The following MLLT1 variants were observed in gnomAD, a reference collection of about 807,000 sequenced individuals.
MLLT1 encodes the protein MLLT1 super elongation complex subunit.
A neutral mutation model predicts 55.1 loss-of-function variants in MLLT1; 11 were observed. The observed-to-expected ratio is 0.20, with a 90% CI of 0.13 to 0.33. The LOEUF (loss-of-function observed/expected upper bound fraction) is 0.33. Among genes scored for constraint, MLLT1 ranks in the 10% least tolerant of loss-of-function variants. The probability of loss-of-function intolerance (pLI) is 1.00; values close to 1 mark genes in which losing one functional copy is unlikely to be tolerated. For missense variants in MLLT1, 536 were observed against 760.6 expected (o/e 0.70, Z 3.47); for synonymous variants, 323 against 320.1 (o/e 1.01, Z -0.10).
intron 3 of MLLT1, among the ~76,000 whole-genome samples, chr19:6,246,078 CA>C (rs2091165200): frequency 1.4e-5 from 2 of 138,044 alleles, no homozygotes; most frequent in Non-Finnish European, 3.1e-5. Context: ...AACTCCACCT[CA>C]AAAAGAAAAT....
intron 3 of MLLT1, among the ~76,000 whole-genome samples, chr19:6,245,521 T>TCTACTA (rs2091160204): frequency 6.7e-6 from 1 of 149,474 alleles, no homozygotes; most frequent in East Asian, 2.1e-4. Flanking sequence ...CCATCCTGGC[T>TCTACTA]AACATGGTGA....
At position 6,231,959 on chromosome 19, in the gene MLLT1, G is replaced by A. The variant is rs190197756; in HGVS notation, c.277-1246C>T. Reference sequence around the variant, plus strand: ...TTCATGGAAACAACGTGCATGGGCCGGGCGCGGTGGCTCACGCCTGTAACC... The same window carrying A: ...TTCATGGAAACAACGTGCATGGGCCAGGCGCGGTGGCTCACGCCTGTAACC... On this transcript the variant is annotated intron_variant, in intron 3 of 11. Coordinates refer to ENST00000252674, the MANE Select transcript of MLLT1 (RefSeq NM_005934.4). This position sits in a 1 kb window ranked among gnomAD's most constrained non-coding sequence, Gnocchi z 5.1. Among the ~76,000 whole-genome samples, 12 of 152,270 alleles carry A rather than the reference G, an allele frequency of 7.9e-5. No homozygotes were observed. The highest frequency in any genetic ancestry group is 1.9e-4 in the East Asian group (1 of 5,154).
rs544863865 is a variant in MLLT1 at position 6,259,751 on chromosome 19, G to A, written c.276+2477C>T. 7.7e-5 allele frequency: 11 copies of A among 141,984 alleles called. No individual in the cohort carries two copies. In the East Asian group the frequency reaches 1.6e-3, roughly 21 times the overall value. The allele number at this position is 141,984 out of a possible 1,614,324, so 8.8% of individuals were successfully genotyped here. A position where few individuals can be genotyped will look rare whatever the true frequency, so the allele number is the denominator to read the frequency against. ...GGCAGAACTCCGGGCCCAGCTACGC[G>A]GCTTCTGCAGGAATTATTCAGACAA... On this transcript the variant is annotated intron_variant, in intron 3 of 11. Coordinates refer to ENST00000252674, the MANE Select transcript of MLLT1 (RefSeq NM_005934.4).
intron 3 of MLLT1, among the ~76,000 whole-genome samples, chr19:6,238,859 C>T (rs1025994901): frequency 1.3e-5 from 2 of 152,256 alleles, no homozygotes; most frequent in African/African-American, 4.8e-5. Context: ...CCTTCTCCGG[C>T]CAGCAGCAAA....
At position 6,211,659 on chromosome 19, in the gene MLLT1, G is replaced by T. The variant is rs758683094; in HGVS notation, c.*1383C>A. The T allele has an allele frequency of 2.8e-6, 3 of 1,064,534 alleles. No homozygotes were observed. Among genetic ancestry groups the T allele is most frequent in the Non-Finnish European group, 2.3e-6 (2 of 878,798 alleles). The allele number at this position is 1,064,534 out of a possible 1,614,324, so 65.9% of individuals were successfully genotyped here. A position where few individuals can be genotyped will look rare whatever the true frequency, so the allele number is the denominator to read the frequency against. On this transcript the variant is annotated 3_prime_UTR_variant, in exon 12 of 12. Transcript: ENST00000252674. The surrounding 1 kb of genome is among the most constrained non-coding windows in gnomAD (Gnocchi z 4.6). ...AGGGCACAAGGACTTGAAAGGACTT[G>T]AAAGTCAGGGGGTTGAGAGGACTGG... is the stretch of plus-strand genomic sequence containing the variant.
At chr19:6,220,867 T>C (rs2090890648) in intron 6 of MLLT1, among the ~76,000 whole-genome samples, 1 of 152,258 alleles carries the variant, frequency 6.6e-6, no homozygotes, top group Non-Finnish European at 1.5e-5. Context: ...GCTACTGAGA[T>C]GGGCCGGGAC....
chr19:6,219,771 A>G lies in MLLT1; in HGVS notation c.1111-1730T>C, dbSNP rs1176922434. ...AGTTCAGGCGGCCAAAGGAGGCTGC[A>G]CAAGGTCAGCAGGGATGGAAGCAGA... On this transcript the variant is annotated intron_variant, in intron 6 of 11. Transcript: ENST00000252674. This position sits in a 1 kb window ranked among gnomAD's most constrained non-coding sequence, Gnocchi z 4.5. 6.6e-6 allele frequency among the ~76,000 whole-genome samples: 1 copy of G among 152,230 alleles called. No individual in the cohort carries two copies. The highest frequency in any genetic ancestry group is 1.5e-5 in the Non-Finnish European group (1 of 68,040).
intron 1 of MLLT1, among the ~76,000 whole-genome samples, chr19:6,271,957 C>T (rs1045196583): frequency 3.9e-5 from 6 of 152,240 alleles, no homozygotes; most frequent in African/African-American, 7.2e-5. Flanking sequence ...TTCGAGGCCC[C>T]GTTCAGACCC....
At chr19:6,243,769 C>A (rs1695296423) in intron 3 of MLLT1, among the ~76,000 whole-genome samples, 3 of 152,136 alleles carry the variant, frequency 2.0e-5, no homozygotes, top group African/African-American at 7.2e-5. Flanking sequence ...ATCGGCCGGG[C>A]ACGGTGGCTC....
intron 3 of MLLT1, among the ~76,000 whole-genome samples, chr19:6,232,709 T>C (rs1031478183): frequency 1.3e-5 from 2 of 152,144 alleles, no homozygotes; most frequent in Non-Finnish European, 2.9e-5. Flanking sequence ...GGGTGGGAAG[T>C]GCAGGAGTGG....
chr19:6,279,289 C>T (rs1475335085), intron 1 of MLLT1, among the ~76,000 whole-genome samples: 1 of 152,100 alleles, frequency 6.6e-6, no homozygotes, highest in Non-Finnish European at 1.5e-5. Context: ...CAGTGACTGG[C>T]CCTGGACCTA....
Position 6,213,975 on chromosome 19 carries a change from G to T in MLLT1, c.1371C>A (p.Pro457=). The change falls in exon 9 of 12, where the codon CCC becomes CCA. Residue 457 remains proline (P), a synonymous_variant. Transcript: ENST00000252674. ...GCGGGGGTGGCTTCTGGGGGGGTGGGGGCTCACGGCTGGGCAGGGAGGAGT... is the reference window on the plus strand; with the variant it reads ...GCGGGGGTGGCTTCTGGGGGGGTGGTGGCTCACGGCTGGGCAGGGAGGAGT... ...SADSSLPSRE[P]PPPQKPPPPN... The T allele has an allele frequency of 1.4e-6, 2 of 1,463,422 alleles. No individual in the cohort carries two copies. Among genetic ancestry groups the T allele is most frequent in the East Asian group, 2.4e-5 (1 of 41,016 alleles). 90.7% of individuals were successfully genotyped at this position (1,463,422 alleles called of 1,614,324 possible).
intron 3 of MLLT1, among the ~76,000 whole-genome samples, chr19:6,257,532 G>T (rs1311272347): frequency 6.6e-6 from 1 of 151,898 alleles, no homozygotes; most frequent in East Asian, 1.9e-4. Flanking sequence ...TGGGCATGGT[G>T]GCTCACGCCT....
At chr19:6,217,722 G>A (rs900242894) in intron 7 of MLLT1, among the ~76,000 whole-genome samples, 3 of 152,224 alleles carry the variant, frequency 2.0e-5, no homozygotes, top group Non-Finnish European at 4.4e-5. Flanking sequence ...GGCACGGGGT[G>A]CATGCCAACA....
chr19:6,216,875 C>A lies in MLLT1; in HGVS notation c.1199-362G>T, dbSNP rs547023014. 7.2e-5 allele frequency: 16 copies of A among 222,766 alleles called. No homozygotes were observed. The South Asian group carries it at 8.6e-4, about 12-fold the overall frequency. The allele number at this position is 222,766 out of a possible 1,614,324, so 13.8% of individuals were successfully genotyped here. A position where few individuals can be genotyped will look rare whatever the true frequency, so the allele number is the denominator to read the frequency against. ...AGCTCTGCCGAGAGCCCAGGGAGGG[C>A]GAGGGAGCCACAGCCTGGCTGGGAA... On this transcript the variant is annotated intron_variant, in intron 7 of 11. Coordinates refer to ENST00000252674, the MANE Select transcript of MLLT1 (RefSeq NM_005934.4).
chr19:6,260,425 A>G (rs1194944137), intron 3 of MLLT1, among the ~76,000 whole-genome samples: 1 of 152,184 alleles, frequency 6.6e-6, no homozygotes, highest in Non-Finnish European at 1.5e-5. Context: ...GTGGCACCAC[A>G]CAGTATGGGT....
chr19:6,249,292 T>A (rs770868492), intron 3 of MLLT1, among the ~76,000 whole-genome samples: 1 of 152,226 alleles, frequency 6.6e-6, no homozygotes, highest in Non-Finnish European at 1.5e-5. Flanking sequence ...GGCTAAAAAA[T>A]AATAATAATA....
intron 3 of MLLT1, among the ~76,000 whole-genome samples, chr19:6,253,395 T>C (rs2091235151): frequency 6.7e-6 from 1 of 149,386 alleles, no homozygotes; most frequent in African/African-American, 2.5e-5. Flanking sequence ...CTGAACTCCA[T>C]GGAACATTCA....
At chr19:6,279,155 C>T (rs959589039) in intron 1 of MLLT1, among the ~76,000 whole-genome samples, 2 of 152,038 alleles carry the variant, frequency 1.3e-5, no homozygotes, top group Non-Finnish European at 2.9e-5. Context: ...CGCCGCAGAG[C>T]AGGGTCCCAG....
Sources: allele counts gnomAD v4.1 joint callset (sites outside exome capture counted in the v4.1 genomes callset), GRCh38; gene constraint gnomAD v4.1.1; non-coding constraint Gnocchi (gnomAD v3.1); transcripts MANE v1.5; gene names NCBI Gene and HGNC (gene_info 2026-07-23, HGNC 2026-07-21).